Variants in RANBP3 observed in about 807,000 individuals in gnomAD.
The protein encoded by RANBP3 is RAN binding protein 3.
Under a neutral mutation model 77.3 loss-of-function variants are expected in RANBP3, and 14 were observed. That is an observed-to-expected ratio of 0.18 (90% confidence interval 0.12 to 0.28). The LOEUF (loss-of-function observed/expected upper bound fraction) is 0.28, where lower values mean the gene tolerates loss of function less well. Among genes scored for constraint, RANBP3 ranks in the 10% least tolerant of loss-of-function variants. The probability of loss-of-function intolerance (pLI) is 1.00; values close to 1 mark genes in which losing one functional copy is unlikely to be tolerated. For synonymous variants in RANBP3, 315 were observed against 312.4 expected (o/e 1.01, Z -0.09); for missense variants, 586 against 752.3 (o/e 0.78, Z 2.59).
Position 5,958,382 on chromosome 19 carries a change from AG to A in RANBP3, c.23-410del, listed in dbSNP as rs141646130. Among the ~76,000 whole-genome samples the A allele has an allele frequency of 0.022, 3,361 of 152,308 alleles. 115 individuals carry two copies. Among genetic ancestry groups the A allele is most frequent in the African/African-American group, 0.076 (3,170 of 41,550 alleles). On this transcript the variant is annotated intron_variant, in intron 1 of 16. Coordinates refer to ENST00000340578, the MANE Select transcript of RANBP3 (RefSeq NM_007322.3). The surrounding 1 kb of genome is among the most constrained non-coding windows in gnomAD (Gnocchi z 4.4). ...TAGCTTTTTAAAGTTTACAGGCCAG[AG>A]GGCAAAAAAAAGGGCCACCGCTCGC...
At chr19:5,953,402 C>T (rs1243696745) in intron 2 of RANBP3, among the ~76,000 whole-genome samples, 1 of 152,144 alleles carries the variant, frequency 6.6e-6, no homozygotes, top group African/African-American at 2.4e-5. Flanking sequence ...CCACGTGCAC[C>T]AGGGCTAAGC....
intron 3 of RANBP3, among the ~76,000 whole-genome samples, chr19:5,947,313 CAAA>C (rs74173074): frequency 2.6e-5 from 2 of 77,836 alleles, no homozygotes; most frequent in South Asian, 4.9e-4. Context: ...GACTCTGTCT[CAAA>C]AAAAAAAAAA....
At chr19:5,946,346 T>C (rs1362281283) in intron 3 of RANBP3, among the ~76,000 whole-genome samples, 3 of 152,174 alleles carry the variant, frequency 2.0e-5, no homozygotes, top group Non-Finnish European at 2.9e-5. Context: ...TTCAGTGACC[T>C]TGAGAAGAAT....
Position 5,917,557 on chromosome 19 carries a change from G to T in RANBP3, c.*53C>A. On this transcript the variant is annotated 3_prime_UTR_variant, in exon 17 of 17. Coordinates refer to ENST00000340578, the MANE Select transcript of RANBP3 (RefSeq NM_007322.3). ...GCCGGTGGGGTGGGGGCGGGTGGGC[G>T]GGTGGATAGACGGACAAAGCAGCAG... 2.0e-6 allele frequency: 3 copies of T among 1,508,870 alleles called. No homozygotes were observed. In the South Asian group the frequency reaches 3.8e-5, roughly 19 times the overall value. 93.5% of individuals were successfully genotyped at this position (1,508,870 alleles called of 1,614,324 possible).
Position 5,917,558 on chromosome 19 carries a change from G to T in RANBP3, c.*52C>A. ...CCGGTGGGGTGGGGGCGGGTGGGCGGGTGGATAGACGGACAAAGCAGCAGC... is the reference window on the plus strand; with the variant it reads ...CCGGTGGGGTGGGGGCGGGTGGGCGTGTGGATAGACGGACAAAGCAGCAGC... On this transcript the variant is annotated 3_prime_UTR_variant, in exon 17 of 17. Coordinates refer to ENST00000340578, the MANE Select transcript of RANBP3 (RefSeq NM_007322.3). 5.3e-6 allele frequency: 8 copies of T among 1,512,510 alleles called. No homozygotes were observed. Among genetic ancestry groups the T allele is most frequent in the Non-Finnish European group, 7.1e-6 (8 of 1,129,706 alleles). 93.7% of individuals were successfully genotyped at this position (1,512,510 alleles called of 1,614,324 possible).
rs2057916273 is a variant in RANBP3, at chr19:5,926,796, TG to T, written c.814-1060del. The stretch of plus-strand genomic sequence containing the variant: ...ACAGCCCCTGAGGGACTCATTATTT[TG>T]CCTAAAGCCATGGCAACAGCAACAT... On this transcript the variant is annotated intron_variant, in intron 9 of 16. Coordinates refer to ENST00000340578, the MANE Select transcript of RANBP3 (RefSeq NM_007322.3). 3.3e-5 allele frequency among the ~76,000 whole-genome samples: 5 copies of T among 152,292 alleles called. No individual in the cohort carries two copies. The South Asian group carries it at 1.0e-3, about 32-fold the overall frequency.
intron 3 of RANBP3, among the ~76,000 whole-genome samples, chr19:5,951,099 C>T (rs1471270553): frequency 7.9e-5 from 12 of 152,198 alleles, no homozygotes; most frequent in Admixed American, 2.0e-4. Flanking sequence ...TTCTACTTCA[C>T]ATGACTCAAT....
intron 8 of RANBP3, among the ~76,000 whole-genome samples, chr19:5,929,147 C>T (rs1173779145): frequency 6.6e-6 from 1 of 152,230 alleles, no homozygotes; most frequent in Admixed American, 6.5e-5. Context: ...TCTGGTCCAA[C>T]TGTGAAGGAA....
At chr19:5,918,432 C>T in intron 15 of RANBP3, 64 bp downstream of exon 15, 2 of 844,880 alleles carry the variant, frequency 2.4e-6, no homozygotes, top group South Asian at 1.5e-5. Flanking sequence ...GATCTGTGTG[C>T]CCAGGAACCC....
In RANBP3 at chr19:5,952,623, C is replaced by T. The variant is rs1357783536; in HGVS notation, c.79-1027G>A. Among the ~76,000 whole-genome samples the T allele has an allele frequency of 1.3e-5, 2 of 152,328 alleles. No individual in the cohort carries two copies. Among genetic ancestry groups the T allele is most frequent in the South Asian group, 4.1e-4 (2 of 4,828 alleles). ...TGACTACAGGGCTGCCCCGTCTCCC[C>T]GTGGACGTGGCTGTGCTTCTTCTTG... On this transcript the variant is annotated intron_variant, in intron 2 of 16. Coordinates refer to ENST00000340578, the MANE Select transcript of RANBP3 (RefSeq NM_007322.3). This position sits in a 1 kb window ranked among gnomAD's most constrained non-coding sequence, Gnocchi z 4.1.
intron 3 of RANBP3, among the ~76,000 whole-genome samples, chr19:5,947,937 C>T (rs1348572603): frequency 6.6e-6 from 1 of 152,206 alleles, no homozygotes; most frequent in Non-Finnish European, 1.5e-5. Context: ...CAGTGAAAAT[C>T]ATGGTTGTCA....
Position 5,961,020 on chromosome 19 carries a change from C to T in RANBP3, c.23-3047G>A, listed in dbSNP as rs2058393272. ...CCAATCAGATCCTCCACAATTGCCT[C>T]CCATCTCTTGTTCCTGTACCCACCC... On this transcript the variant is annotated intron_variant, in intron 1 of 16. Coordinates refer to ENST00000340578, the MANE Select transcript of RANBP3 (RefSeq NM_007322.3). 2.6e-5 allele frequency among the ~76,000 whole-genome samples: 4 copies of T among 152,216 alleles called. No homozygotes were observed. In the South Asian group the frequency reaches 8.3e-4, roughly 32 times the overall value.
Position 5,952,006 on chromosome 19 carries a change from C to G in RANBP3, c.79-410G>C, listed in dbSNP as rs2058282688. ...GGGGAGCTGGCCATCAGCACCATTTCTGTGCTTTAGGAAAGAGGGAGGTGG... is the reference window on the plus strand; with the variant it reads ...GGGGAGCTGGCCATCAGCACCATTTGTGTGCTTTAGGAAAGAGGGAGGTGG... On this transcript the variant is annotated intron_variant, in intron 2 of 16. Transcript: ENST00000340578. The surrounding 1 kb of genome is among the most constrained non-coding windows in gnomAD (Gnocchi z 4.1). Among the ~76,000 whole-genome samples the G allele has an allele frequency of 6.6e-6, 1 of 152,202 alleles. No individual in the cohort carries two copies. Among genetic ancestry groups the G allele is most frequent in the African/African-American group, 2.4e-5 (1 of 41,442 alleles).
intron 1 of RANBP3, among the ~76,000 whole-genome samples, chr19:5,977,577 G>C (rs1207684829): frequency 3.9e-5 from 6 of 152,102 alleles, no homozygotes; most frequent in Non-Finnish European, 8.8e-5. Context: ...CGCGGTGTGC[G>C]GCTGGCCCGC....
chr19:5,918,703 A>C, intron 14 of RANBP3, 65 bp from the exon 15 acceptor site: 3 of 1,577,444 alleles, frequency 1.9e-6, no homozygotes, highest in Non-Finnish European at 2.6e-6. Flanking sequence ...AGCCAGCTCC[A>C]AGAGCCAACA....
intron 5 of RANBP3, among the ~76,000 whole-genome samples, chr19:5,936,964 G>A (rs766240470): frequency 7.0e-6 from 1 of 142,702 alleles, no homozygotes; most frequent in South Asian, 2.3e-4. Context: ...GCTGAGGCTT[G>A]AGAATCTCTT....
chr19:5,929,360 C>G (rs1274244662), intron 8 of RANBP3, among the ~76,000 whole-genome samples: 1 of 152,280 alleles, frequency 6.6e-6, no homozygotes, highest in African/African-American at 2.4e-5. Context: ...AGCAGAAACA[C>G]TCCCTGGCTC....
At chr19:5,925,796 G>A (rs2057899765) in intron 9 of RANBP3, 59 bp from the exon 10 acceptor site, 1 of 1,397,128 alleles carries the variant, frequency 7.2e-7, no homozygotes, top group Non-Finnish European at 1.0e-6. Context: ...GAGTTCCACA[G>A]CTCAGTGTCT....
In RANBP3 at chr19:5,923,779, T is replaced by C. The variant is rs1417833951; in HGVS notation, c.1099+33A>G. ...CAGCATCCCCCAAGATGACCTACCA[T>C]GAGCCCCATGCTGTGGTGGGACGCT... On this transcript the variant is annotated intron_variant, in intron 12 of 16. Transcript: ENST00000340578. The C allele has an allele frequency of 2.0e-6, 3 of 1,536,300 alleles. No homozygotes were observed. The Admixed American group carries it at 5.0e-5, about 26-fold the overall frequency.
Sources: gnomAD v4.1 joint callset for allele counts (sites outside exome capture counted in the v4.1 genomes callset) on GRCh38, gnomAD v4.1.1 for gene constraint, Gnocchi (gnomAD v3.1) non-coding constraint, MANE v1.5 for transcripts, NCBI Gene and HGNC (gene_info 2026-07-23, HGNC 2026-07-21) for gene names.